The following TRABD2A variants were observed in gnomAD, a reference collection of about 807,000 sequenced individuals.
TRABD2A encodes the protein metalloprotease TIKI1.
In TRABD2A, 43 loss-of-function variants were observed where a neutral mutation model predicts 45.6. The ratio of observed to expected loss-of-function variants is 0.94; its 90% CI spans 0.74 to 1.22. The LOEUF (loss-of-function observed/expected upper bound fraction) is 1.22. Among genes scored for constraint, TRABD2A ranks in the 50% most tolerant of loss-of-function variants. The pLI, the probability that TRABD2A is intolerant of heterozygous loss-of-function variation, is 0.00. For synonymous variants in TRABD2A, 269 were observed against 265.0 expected (o/e 1.02, Z -0.15); for missense variants, 642 against 652.4 (o/e 0.98, Z 0.17).
intron 3 of TRABD2A, among the ~76,000 whole-genome samples, chr2:84,841,472 G>A (rs1036443646): frequency 2.0e-5 from 3 of 152,204 alleles, no homozygotes; most frequent in Non-Finnish European, 2.9e-5. Context: ...ATGTTCACAT[G>A]TTCCTAGAGG....
chr2:84,870,140 C>G lies in TRABD2A; in HGVS notation c.669+85G>C, dbSNP rs531414378. ...AGACAATTTCTAGACAAGCTGTGCC[C>G]GTGATCCATCACCTGCCCTGAAACT... On this transcript the variant is annotated intron_variant, in intron 2 of 6. Transcript: ENST00000409520. The G allele has an allele frequency of 2.3e-6, 3 of 1,328,852 alleles. No individual in the cohort carries two copies. The African/African-American group carries it at 4.4e-5, about 20-fold the overall frequency. The allele number at this position is 1,328,852 out of a possible 1,614,324, so 82.3% of individuals were successfully genotyped here.
At chr2:84,848,889 A>G (rs1681994045) in intron 2 of TRABD2A, among the ~76,000 whole-genome samples, 1 of 152,030 alleles carries the variant, frequency 6.6e-6, no homozygotes, top group Admixed American at 6.6e-5. Context: ...TATATATTAT[A>G]ATGTAAGATA....
At chr2:84,824,226 A>C (rs1306625082) in intron 5 of TRABD2A, 22 bp from the exon 6 acceptor site, 2 of 1,612,864 alleles carry the variant, frequency 1.2e-6, no homozygotes, top group African/African-American at 2.7e-5. Flanking sequence ...TGGAAGGAGA[A>C]GGTATTTGGA....
chr2:84,873,943 C>T (rs1461458720), intron 1 of TRABD2A, among the ~76,000 whole-genome samples: 1 of 152,116 alleles, frequency 6.6e-6, no homozygotes, highest in Non-Finnish European at 1.5e-5. Context: ...TTATTAAACC[C>T]ATGGACACCT....
intron 2 of TRABD2A, among the ~76,000 whole-genome samples, chr2:84,847,984 G>C (rs1454083696): frequency 6.6e-6 from 1 of 152,102 alleles, no homozygotes; most frequent in Non-Finnish European, 1.5e-5. Context: ...ATCTATCTCT[G>C]TGTCTTAATT....
intron 6 of TRABD2A, among the ~76,000 whole-genome samples, chr2:84,823,693 CT>C (rs1681059820): frequency 6.6e-6 from 1 of 152,184 alleles, no homozygotes; most frequent in Non-Finnish European, 1.5e-5. Flanking sequence ...ATGCCTTCCA[CT>C]TTTAACAGAC....
At chr2:84,825,196 A>G (rs867432681) in intron 5 of TRABD2A, among the ~76,000 whole-genome samples, 24 of 152,182 alleles carry the variant, frequency 1.6e-4, no homozygotes, top group African/African-American at 5.6e-4. Context: ...TCCTCGTCCA[A>G]TGATGTAGGT....
At chr2:84,873,692 G>A (rs1472144788) in intron 1 of TRABD2A, among the ~76,000 whole-genome samples, 4 of 152,242 alleles carry the variant, frequency 2.6e-5, no homozygotes, top group Non-Finnish European at 5.9e-5. Context: ...ATCAAAAGTT[G>A]AGATTGACAG....
At position 84,841,954 on chromosome 2, in the gene TRABD2A, G is replaced by C. The variant is rs1358407406; in HGVS notation, c.723C>G (p.Gly241=). ...TLLQQESLRA[G]SLQIPYTTED... is the part of the protein sequence containing the mutation. ...CCGTCGTGTAGGGGATCTGAAGACT[G>C]CCTGCTCGCAGGCTTTCCTGCTGCA... Residue 241 remains glycine, a synonymous_variant, in exon 3 of 7, where the codon GGC becomes GGG. Coordinates refer to ENST00000409520, the MANE Select transcript of TRABD2A (RefSeq NM_001277053.2). The C allele has an allele frequency of 2.6e-6, 4 of 1,545,512 alleles. No homozygotes were observed. The South Asian group carries it at 3.6e-5, about 14-fold the overall frequency.
intron 2 of TRABD2A, among the ~76,000 whole-genome samples, chr2:84,850,195 G>GA (rs1559091251): frequency 1.3e-5 from 2 of 152,070 alleles, no homozygotes; most frequent in Non-Finnish European, 2.9e-5. Context: ...GCACCTGGGG[G>GA]AAAAGCACAA....
In TRABD2A at chr2:84,841,914, G is replaced by A. The variant is rs1257914552; in HGVS notation, c.763C>T (p.His255Tyr). ...GAGCTGAGGTCCCCGCAGTTATAGT[G>A]TTTGATGAGATCCTCCGTCGTGTAG... ...IPYTTEDLIK[H>Y]YNCGDLSSVI... Residue 255 changes from histidine to tyrosine, a missense_variant, in exon 3 of 7, where the codon CAC becomes TAC. Transcript: ENST00000409520. The A allele has an allele frequency of 1.3e-6, 2 of 1,548,666 alleles. No homozygotes were observed. The highest frequency in any genetic ancestry group is 2.4e-5 in the East Asian group (1 of 40,894).
chr2:84,872,190 G>T (rs545243843), intron 1 of TRABD2A, among the ~76,000 whole-genome samples: 3 of 152,318 alleles, frequency 2.0e-5, no homozygotes, highest in Non-Finnish European at 2.9e-5. Context: ...AGCCGGAAAT[G>T]TGAAAATCTA....
At chr2:84,857,695 T>C (rs887647655) in intron 2 of TRABD2A, among the ~76,000 whole-genome samples, 6 of 152,106 alleles carry the variant, frequency 3.9e-5, no homozygotes, top group African/African-American at 1.4e-4. Context: ...AATATCTCAC[T>C]CCCCAGCTGT....
chr2:84,879,557 C>T (rs1448607127), intron 1 of TRABD2A: 1 of 980,924 alleles, frequency 1.0e-6, no homozygotes, highest in African/African-American at 1.8e-5. Context: ...CTCATAAAGA[C>T]AGATTCTAAA....
In TRABD2A at chr2:84,868,706, A is replaced by G. The variant is rs1036897354; in HGVS notation, c.669+1519T>C. On this transcript the variant is annotated intron_variant, in intron 2 of 6. Transcript: ENST00000409520. ...GAAAGGAAAAAAGAGACAGTGTTGCACACCTTCCTTCAAAGATACCTTGCT... is the reference window on the plus strand; with the variant it reads ...GAAAGGAAAAAAGAGACAGTGTTGCGCACCTTCCTTCAAAGATACCTTGCT... 3.9e-5 allele frequency among the ~76,000 whole-genome samples: 6 copies of G among 152,350 alleles called. No individual in the cohort carries two copies. In the South Asian group the frequency reaches 1.2e-3, roughly 32 times the overall value.
At chr2:84,875,405 G>A (rs1682995864) in intron 1 of TRABD2A, among the ~76,000 whole-genome samples, 1 of 152,194 alleles carries the variant, frequency 6.6e-6, no homozygotes, top group South Asian at 2.1e-4. Context: ...GACAGAGAGG[G>A]ATAGCTGAAC....
intron 4 of TRABD2A, 123 bp from the exon 5 acceptor site, chr2:84,832,268 G>T: frequency 1.0e-6 from 1 of 972,372 alleles, no homozygotes; most frequent in Non-Finnish European, 1.6e-6. Flanking sequence ...GTCCAGCACA[G>T]TACAGTTCTA....
At chr2:84,878,638 A>AG (rs1319599685) in intron 1 of TRABD2A, among the ~76,000 whole-genome samples, 1 of 152,112 alleles carries the variant, frequency 6.6e-6, no homozygotes, top group Non-Finnish European at 1.5e-5. Context: ...TGCAGTGTCT[A>AG]GGGGCCAATT....
At position 84,822,867 on chromosome 2, in the gene TRABD2A, T is replaced by G. The variant is rs535804968; in HGVS notation, c.1335-767A>C. ...CTCCCTACTTCCCTCCGTGTTTACC[T>G]CTCTGGACACATCTCACCCCATTAC... On this transcript the variant is annotated intron_variant, in intron 6 of 6. Transcript: ENST00000409520. 4.7e-4 allele frequency among the ~76,000 whole-genome samples: 71 copies of G among 152,312 alleles called. No homozygotes were observed. The South Asian group carries it at 0.014, about 30-fold the overall frequency.
Sources: allele counts gnomAD v4.1 joint callset (sites outside exome capture counted in the v4.1 genomes callset), GRCh38; gene constraint gnomAD v4.1.1; transcripts MANE v1.5; gene names NCBI Gene and HGNC (gene_info 2026-07-23, HGNC 2026-07-21).